EME2: variants seen among roughly 807,000 people sequenced by gnomAD.
The protein encoded by EME2 is structure-specific endonuclease subunit EME2.
A neutral mutation model predicts 41.9 loss-of-function variants in EME2; 58 were observed. The observed-to-expected ratio is 1.38, with a 90% CI of 1.12 to 1.72. EME2 has a LOEUF of 1.72. Ranked by LOEUF, EME2 falls within the 40% of genes most tolerant of loss-of-function variation. EME2 has a pLI of 0.00. For synonymous variants in EME2, 334 were observed against 239.3 expected (o/e 1.40, Z -3.65); for missense variants, 695 against 541.9 (o/e 1.28, Z -2.81).
rs751392448 is a variant in EME2, at chr16:1,781,534, C to T, written c.*5296C>T. On this transcript the variant is annotated 3_prime_UTR_variant, in exon 8 of 8. Transcript: ENST00000568449. ...CAGGCTCTGGGCAAAGGAAGACTCA[C>T]AGCACTCCCAGCCCTGAGCTTCCAG... 12 of 1,591,874 alleles carry T rather than the reference C, an allele frequency of 7.5e-6. 1 individual carries two copies. The South Asian group carries it at 1.4e-4, about 18-fold the overall frequency.
chr16:1,772,811 G>C lies in EME2; in HGVS notation c.-417G>C. On this transcript the variant is annotated 5_prime_UTR_variant, in exon 1 of 8. Transcript: ENST00000568449. The stretch of plus-strand genomic sequence containing the variant: ...GGGGTGCACGCACCTGCGCCGTGTA[G>C]TCGGGCCGCACCCGCGTGAGGCGCC... 1 of 1,448,940 alleles carries C rather than the reference G, an allele frequency of 6.9e-7. No homozygotes were observed. The highest frequency in any genetic ancestry group is 9.0e-7 in the Non-Finnish European group (1 of 1,105,802). 89.8% of individuals were successfully genotyped at this position (1,448,940 alleles called of 1,614,324 possible).
In EME2 at chr16:1,773,670, G is replaced by A. The variant is rs1016955096; in HGVS notation, c.248-35G>A. On this transcript the variant is annotated intron_variant, in intron 1 of 7. Transcript: ENST00000568449. ...GGTAGGGCGCTCGCGAGGGTGGAAG[G>A]AAGCAGTGACCGCGCTCCTCTCCCC... is the stretch of plus-strand genomic sequence containing the variant. The A allele has an allele frequency of 1.9e-6, 3 of 1,547,432 alleles. No homozygotes were observed. In the South Asian group the frequency reaches 3.6e-5, roughly 18 times the overall value.
At position 1,772,813 on chromosome 16, in the gene EME2, C is replaced by T. The variant is rs914681096; in HGVS notation, c.-415C>T. ...GGTGCACGCACCTGCGCCGTGTAGT[C>T]GGGCCGCACCCGCGTGAGGCGCCAG... On this transcript the variant is annotated 5_prime_UTR_variant, in exon 1 of 8. Transcript: ENST00000568449. 6.9e-6 allele frequency: 10 copies of T among 1,446,006 alleles called. No homozygotes were observed. Among genetic ancestry groups the T allele is most frequent in the Admixed American group, 5.4e-5 (2 of 36,916 alleles). 89.6% of individuals were successfully genotyped at this position (1,446,006 alleles called of 1,614,324 possible).
chr16:1,776,066 A>G lies in EME2; in HGVS notation c.970-2A>G, dbSNP rs2042707749. On this transcript the variant is annotated splice_acceptor_variant, in intron 7 of 7. Transcript: ENST00000568449. LOFTEE classifies it high-confidence loss of function. ...CCCTCTCATGCCTTTGCCTGCTCCTAGGCGCTGGAGGCCTGCAGCACGGAG... is the reference window on the plus strand; with the variant it reads ...CCCTCTCATGCCTTTGCCTGCTCCTGGGCGCTGGAGGCCTGCAGCACGGAG... 1.2e-6 allele frequency: 2 copies of G among 1,607,604 alleles called. No homozygotes were observed. The highest frequency in any genetic ancestry group is 8.5e-7 in the Non-Finnish European group (1 of 1,177,798).
In EME2 at chr16:1,778,411, G is replaced by A. The variant is rs1278545489; in HGVS notation, c.*2173G>A. ...CAGGCCCGCCCGCAGTGCAGTCCCA[G>A]CAGGGGCTGGGCCCCACGCTCACAC... On this transcript the variant is annotated 3_prime_UTR_variant, in exon 8 of 8. Transcript: ENST00000568449. 1.0e-5 allele frequency: 16 copies of A among 1,605,772 alleles called. No homozygotes were observed. Among genetic ancestry groups the A allele is most frequent in the Non-Finnish European group, 1.2e-5 (14 of 1,176,408 alleles).
Position 1,773,437 on chromosome 16 carries a change from G to T in EME2, c.210G>T (p.Glu70Asp). Residue 70 changes from glutamate (E) to aspartate (D), a missense_variant, in exon 1 of 8, where the codon GAG becomes GAT. Glu to Asp is a conservative substitution (Grantham distance 45). Transcript: ENST00000568449. Reference protein sequence around the residue: ...AAEALRLLRPEQVLKRLAVCV... With the variant: ...AAEALRLLRPDQVLKRLAVCV... Reference sequence around the variant, plus strand: ...AGGCGTTGCGGCTGCTGCGGCCGGAGCAGGTCCTGAAGCGCCTCGCGGTGT... The same window carrying T: ...AGGCGTTGCGGCTGCTGCGGCCGGATCAGGTCCTGAAGCGCCTCGCGGTGT... The T allele has an allele frequency of 6.4e-7, 1 of 1,571,066 alleles. No homozygotes were observed. Among genetic ancestry groups the T allele is most frequent in the African/African-American group, 1.4e-5 (1 of 73,132 alleles).
In EME2 at chr16:1,777,673, C is replaced by A; in HGVS notation, c.*1435C>A. On this transcript the variant is annotated 3_prime_UTR_variant, in exon 8 of 8. Transcript: ENST00000568449. ...ACCCTTTCAGAAAACCTCAGTGTCC[C>A]CTGGGCTGGGGCGGGGTGGCTGCCT... 6.3e-7 allele frequency: 1 copy of A among 1,588,270 alleles called. No individual in the cohort carries two copies. Among genetic ancestry groups the A allele is most frequent in the South Asian group, 1.1e-5 (1 of 88,454 alleles).
chr16:1,774,512 G>A (rs926471191), intron 3 of EME2, among the ~76,000 whole-genome samples, 160 bp downstream of exon 3: 1 of 152,252 alleles, frequency 6.6e-6, no homozygotes, highest in African/African-American at 2.4e-5. Context: ...GGTTTCTAGG[G>A]TGAGATGGAG....
rs909200915 is a variant in EME2, at chr16:1,781,587, G to A, written c.*5349G>A. The A allele has an allele frequency of 7.1e-6, 10 of 1,399,242 alleles. No homozygotes were observed. The highest frequency in any genetic ancestry group is 2.2e-5 in the Admixed American group (1 of 44,806). The allele number at this position is 1,399,242 out of a possible 1,614,324, so 86.7% of individuals were successfully genotyped here. A position where few individuals can be genotyped will look rare whatever the true frequency, so the allele number is the denominator to read the frequency against. ...TGGGCCACGGACCCACTCAAAGTGG[G>A]GACTGCAGGGGCCGCACCGGTGCCC... On this transcript the variant is annotated 3_prime_UTR_variant, in exon 8 of 8. Coordinates refer to ENST00000568449, the MANE Select transcript of EME2 (RefSeq NM_001257370.2).
In EME2 at chr16:1,776,957, C is replaced by G. The variant is rs764456301; in HGVS notation, c.*719C>G. 1 of 973,052 alleles carries G rather than the reference C, an allele frequency of 1.0e-6. No individual in the cohort carries two copies. The highest frequency in any genetic ancestry group is 1.5e-6 in the Non-Finnish European group (1 of 668,390). 60.3% of individuals were successfully genotyped at this position (973,052 alleles called of 1,614,324 possible). On this transcript the variant is annotated 3_prime_UTR_variant, in exon 8 of 8. Coordinates refer to ENST00000568449, the MANE Select transcript of EME2 (RefSeq NM_001257370.2). ...CCCACAGAAAGGACTGTCCCAGCCT[C>G]GGGAGCAAGAGATGGCTCCCTCCGG...
chr16:1,775,573 T>G lies in EME2; in HGVS notation c.668T>G (p.Leu223Arg), dbSNP rs1223066483. 2 of 1,612,648 alleles carry G rather than the reference T, an allele frequency of 1.2e-6. No individual in the cohort carries two copies. Among genetic ancestry groups the G allele is most frequent in the South Asian group, 1.1e-5 (1 of 91,072 alleles). ...AVSWPEVEEA[L>R]VLLQLWANLD... is the part of the protein sequence containing the mutation. ...ATCAGCTTGCCTCCTCCCCAGGCCC[T>G]GGTACTCCTGCAGCTCTGGGCAAAC... is the stretch of plus-strand genomic sequence containing the variant. The change falls in exon 6 of 8, where the codon CTG becomes CGG. Residue 223 changes from leucine (L) to arginine (R), a missense_variant. Coordinates refer to ENST00000568449, the MANE Select transcript of EME2 (RefSeq NM_001257370.2).
rs889612354 is a variant in EME2, at chr16:1,777,556, G to A, written c.*1318G>A. 37 of 1,355,596 alleles carry A rather than the reference G, an allele frequency of 2.7e-5. No individual in the cohort carries two copies. Among genetic ancestry groups the A allele is most frequent in the Non-Finnish European group, 3.4e-5 (35 of 1,020,620 alleles). 84.0% of individuals were successfully genotyped at this position (1,355,596 alleles called of 1,614,324 possible). On this transcript the variant is annotated 3_prime_UTR_variant, in exon 8 of 8. Coordinates refer to ENST00000568449, the MANE Select transcript of EME2 (RefSeq NM_001257370.2). The stretch of plus-strand genomic sequence containing the variant: ...CGGGTGGGCAGCTGGCACAGCTGAG[G>A]CAAGGCAGGGTGCACGCGCTGGCCC...
chr16:1,781,180 T>G lies in EME2; in HGVS notation c.*4942T>G, dbSNP rs1437287879. ...AGGCTGTGTGTGTCCTTTGCCAAAT[T>G]AAAGAGTCTTACTGAATGCGGTGCA... is the stretch of plus-strand genomic sequence containing the variant. On this transcript the variant is annotated 3_prime_UTR_variant, in exon 8 of 8. Transcript: ENST00000568449. 1 of 1,537,370 alleles carries G rather than the reference T, an allele frequency of 6.5e-7. No homozygotes were observed. The highest frequency in any genetic ancestry group is 8.7e-7 in the Non-Finnish European group (1 of 1,147,354).
In EME2 at chr16:1,778,576, G is replaced by GC. The variant is rs764442159; in HGVS notation, c.*2339dup. 1 of 1,593,264 alleles carries GC rather than the reference G, an allele frequency of 6.3e-7. No individual in the cohort carries two copies. Among genetic ancestry groups the GC allele is most frequent in the East Asian group, 2.3e-5 (1 of 44,424 alleles). On this transcript the variant is annotated 3_prime_UTR_variant, in exon 8 of 8. Coordinates refer to ENST00000568449, the MANE Select transcript of EME2 (RefSeq NM_001257370.2). Reference sequence around the variant, plus strand: ...ACCGCACTGGGGATGGATGGCGGCAGCGTGGAGTACTCGGGGTCGGAGTCC... The same window carrying GC: ...ACCGCACTGGGGATGGATGGCGGCAGCCGTGGAGTACTCGGGGTCGGAGTCC...
chr16:1,781,035 G>A lies in EME2; in HGVS notation c.*4797G>A, dbSNP rs551051010. The A allele has an allele frequency of 4.9e-5, 33 of 676,648 alleles. No homozygotes were observed. Among genetic ancestry groups the A allele is most frequent in the African/African-American group, 4.2e-4 (23 of 54,160 alleles). 41.9% of individuals were successfully genotyped at this position (676,648 alleles called of 1,614,324 possible). ...GGTGTGAGCCACAGTGCCCAGCCCC[G>A]TAGTGGAGAATTTCTGTTGAATGAA... On this transcript the variant is annotated 3_prime_UTR_variant, in exon 8 of 8. Coordinates refer to ENST00000568449, the MANE Select transcript of EME2 (RefSeq NM_001257370.2).
rs767618224 is a variant in EME2 at position 1,777,090 on chromosome 16, AAGTC to A, written c.*859_*862del. ...AGCCCAAGAAGGCAGTTCCACTGGG[AAGTC>A]AGTCAGGTCCGGCGGCAGCGCTTCC... On this transcript the variant is annotated 3_prime_UTR_variant, in exon 8 of 8. Coordinates refer to ENST00000568449, the MANE Select transcript of EME2 (RefSeq NM_001257370.2). 8.1e-6 allele frequency: 13 copies of A among 1,608,902 alleles called. No individual in the cohort carries two copies. The highest frequency in any genetic ancestry group is 6.7e-5 in the Admixed American group (4 of 59,778).
At position 1,778,796 on chromosome 16, in the gene EME2, C is replaced by T; in HGVS notation, c.*2558C>T. ...TCCCTCCCAACGGGCTCCGGCTCTG[C>T]CCCATTCTGCATGACCAGGAGGGCC... On this transcript the variant is annotated 3_prime_UTR_variant, in exon 8 of 8. Transcript: ENST00000568449. The T allele has an allele frequency of 1.7e-6, 1 of 588,700 alleles. No homozygotes were observed. The highest frequency in any genetic ancestry group is 2.8e-6 in the Non-Finnish European group (1 of 361,564). The allele number at this position is 588,700 out of a possible 1,614,324, so 36.5% of individuals were successfully genotyped here.
Position 1,781,565 on chromosome 16 carries a change from G to C in EME2, c.*5327G>C. On this transcript the variant is annotated 3_prime_UTR_variant, in exon 8 of 8. Coordinates refer to ENST00000568449, the MANE Select transcript of EME2 (RefSeq NM_001257370.2). The stretch of plus-strand genomic sequence containing the variant: ...TCCCAGCCCTGAGCTTCCAGGCTGG[G>C]CCACGGACCCACTCAAAGTGGGGAC... 1 of 1,532,584 alleles carries C rather than the reference G, an allele frequency of 6.5e-7. No individual in the cohort carries two copies. The highest frequency in any genetic ancestry group is 2.3e-5 in the East Asian group (1 of 42,956). The allele number at this position is 1,532,584 out of a possible 1,614,324, so 94.9% of individuals were successfully genotyped here.
At position 1,772,827 on chromosome 16, in the gene EME2, G is replaced by T. The variant is rs977924736; in HGVS notation, c.-401G>T. ...CGCCGTGTAGTCGGGCCGCACCCGC[G>T]TGAGGCGCCAGTAGCACGGCTCGTC... On this transcript the variant is annotated 5_prime_UTR_variant, in exon 1 of 8. Transcript: ENST00000568449. 1.9e-5 allele frequency: 27 copies of T among 1,444,870 alleles called. No individual in the cohort carries two copies. The highest frequency in any genetic ancestry group is 2.9e-5 in the African/African-American group (2 of 70,076). 89.5% of individuals were successfully genotyped at this position (1,444,870 alleles called of 1,614,324 possible).
Sources: gnomAD v4.1 joint callset for allele counts (sites outside exome capture counted in the v4.1 genomes callset) on GRCh38, gnomAD v4.1.1 for gene constraint, MANE v1.5 for transcripts, NCBI Gene and HGNC (gene_info 2026-07-23, HGNC 2026-07-21) for gene names.